Variants in AGBL4 observed in about 807,000 individuals in gnomAD.
AGBL4 encodes the protein AGBL carboxypeptidase 4.
AGBL4 carries 58 observed loss-of-function variants against 66.4 expected under a neutral mutation model. That is an observed-to-expected ratio of 0.87 (90% CI 0.71 to 1.09). The LOEUF is 1.09. Ranked by LOEUF, AGBL4 falls within the 50% of genes least tolerant of loss-of-function variation. The probability of loss-of-function intolerance (pLI) is 0.00; values close to 1 mark genes in which losing one functional copy is unlikely to be tolerated. For missense variants in AGBL4, 579 were observed against 631.0 expected (o/e 0.92, Z 0.88); for synonymous variants, 234 against 222.9 (o/e 1.05, Z -0.44).
Position 48,759,407 on chromosome 1 carries a change from C to G in AGBL4, c.635-96166G>C, listed in dbSNP as rs371832189. On this transcript the variant is annotated intron_variant, in intron 6 of 13. Coordinates refer to ENST00000371839, the MANE Select transcript of AGBL4 (RefSeq NM_032785.4). ...CACAGAACATCAGTGCTTGGAGAAA[C>G]CTGTGCAAACACTTAGTCAAAGCCC... The G allele has an allele frequency of 2.8e-6, 4 of 1,409,796 alleles. No individual in the cohort carries two copies. In the East Asian group the frequency reaches 1.0e-4, roughly 36 times the overall value. The allele number at this position is 1,409,796 out of a possible 1,614,324, so 87.3% of individuals were successfully genotyped here.
chr1:49,818,811 G>A (rs1645295364), intron 2 of AGBL4, among the ~76,000 whole-genome samples: 1 of 152,132 alleles, frequency 6.6e-6, no homozygotes, highest in African/African-American at 2.4e-5. Context: ...CGTGGAGCTT[G>A]TAACACTCCT....
chr1:49,865,505 T>C (rs917646897), intron 1 of AGBL4, among the ~76,000 whole-genome samples: 4 of 152,052 alleles, frequency 2.6e-5, no homozygotes, highest in Admixed American at 2.6e-4. Context: ...ACAGCAGCCC[T>C]ATGGGAGAGG....
intron 5 of AGBL4, among the ~76,000 whole-genome samples, chr1:48,910,837 C>T (rs1295757048): frequency 6.6e-6 from 1 of 152,128 alleles, no homozygotes; most frequent in African/African-American, 2.4e-5. Flanking sequence ...TATTTATAAT[C>T]CTTCCAATCT....
At chr1:49,073,966 G>C (rs1246910599) in intron 4 of AGBL4, among the ~76,000 whole-genome samples, 1 of 152,194 alleles carries the variant, frequency 6.6e-6, no homozygotes, top group East Asian at 1.9e-4. Flanking sequence ...GTGGAATCTA[G>C]AGAGGCACCT....
intron 3 of AGBL4, among the ~76,000 whole-genome samples, chr1:49,574,018 G>T (rs1331715603): frequency 2.0e-5 from 3 of 152,144 alleles, no homozygotes; most frequent in Non-Finnish European, 2.9e-5. Flanking sequence ...CTCCCCTGAG[G>T]CAGTTGCTAA....
At chr1:48,695,565 C>T (rs1646701555) in intron 6 of AGBL4, among the ~76,000 whole-genome samples, 1 of 152,162 alleles carries the variant, frequency 6.6e-6, no homozygotes, top group South Asian at 2.1e-4. Flanking sequence ...CACCCCCTCC[C>T]CTTTAACCAG....
chr1:48,750,914 A>T (rs1353435030), intron 6 of AGBL4, among the ~76,000 whole-genome samples: 1 of 152,010 alleles, frequency 6.6e-6, no homozygotes, highest in Non-Finnish European at 1.5e-5. Context: ...CACTCAGAGT[A>T]CCCCCTGGAG....
chr1:49,501,122 T>C (rs1275425794), intron 3 of AGBL4, among the ~76,000 whole-genome samples: 2 of 152,090 alleles, frequency 1.3e-5, no homozygotes, highest in African/African-American at 4.8e-5. Context: ...GTATTTTTTG[T>C]TTTTGTTTTT....
intron 4 of AGBL4, among the ~76,000 whole-genome samples, chr1:49,114,162 T>C (rs999556405): frequency 2.6e-5 from 4 of 152,238 alleles, no homozygotes; most frequent in African/African-American, 9.6e-5. Flanking sequence ...AAATGTGTTA[T>C]TTAGTGAGCC....
intron 6 of AGBL4, chr1:48,818,284 T>A: frequency 1.4e-6 from 1 of 716,992 alleles, no homozygotes; most frequent in Non-Finnish European, 2.6e-6. Flanking sequence ...CCGTGGCATC[T>A]ACTTCACCGA....
chr1:49,707,170 T>C (rs1054921490), intron 2 of AGBL4, among the ~76,000 whole-genome samples: 17 of 152,146 alleles, frequency 1.1e-4, no homozygotes, highest in African/African-American at 3.9e-4. Context: ...TATTACTGTG[T>C]GGGAGTCTGT....
chr1:49,193,350 C>A (rs1416654932), intron 4 of AGBL4, among the ~76,000 whole-genome samples: 1 of 151,784 alleles, frequency 6.6e-6, no homozygotes, highest in East Asian at 1.9e-4. Context: ...AAACTTCCAT[C>A]TTATCACCAC....
intron 4 of AGBL4, among the ~76,000 whole-genome samples, chr1:49,237,421 C>T (rs1465879677): frequency 6.6e-6 from 1 of 151,010 alleles, no homozygotes; most frequent in Non-Finnish European, 1.5e-5. Context: ...TCCACTAAAC[C>T]TCTTCTTCTT....
chr1:49,316,812 C>T (rs1645047127), intron 3 of AGBL4, among the ~76,000 whole-genome samples: 1 of 151,608 alleles, frequency 6.6e-6, no homozygotes, highest in East Asian at 1.9e-4. Context: ...TACAAAAATG[C>T]TTATATCACT....
chr1:49,758,220 G>A (rs1652040389), intron 2 of AGBL4, among the ~76,000 whole-genome samples: 1 of 152,170 alleles, frequency 6.6e-6, no homozygotes, highest in Admixed American at 6.5e-5. Flanking sequence ...CTCTTCCTAG[G>A]TTTCAGAGGA....
chr1:49,830,856 A>C (rs1645652841), intron 2 of AGBL4, among the ~76,000 whole-genome samples: 1 of 152,186 alleles, frequency 6.6e-6, no homozygotes, highest in Non-Finnish European at 1.5e-5. Flanking sequence ...ACCATTTATT[A>C]AATAGGGAAT....
intron 3 of AGBL4, among the ~76,000 whole-genome samples, chr1:49,385,979 A>G (rs540857706): frequency 3.3e-5 from 5 of 152,170 alleles, no homozygotes; most frequent in Admixed American, 1.3e-4. Context: ...AAATCTGTCA[A>G]AACTATAGTA....
intron 3 of AGBL4, among the ~76,000 whole-genome samples, chr1:49,598,699 T>G (rs1644897698): frequency 6.6e-6 from 1 of 152,074 alleles, no homozygotes; most frequent in South Asian, 2.1e-4. Context: ...AGTCTGCCCA[T>G]TCTCAGATCT....
At chr1:50,013,064 T>C (rs1661672521) in intron 1 of AGBL4, among the ~76,000 whole-genome samples, 1 of 152,204 alleles carries the variant, frequency 6.6e-6, no homozygotes, top group African/African-American at 2.4e-5. Flanking sequence ...CAGTTGTCTA[T>C]TAAGTTCCTT....
Sources: gnomAD v4.1 joint callset for allele counts (sites outside exome capture counted in the v4.1 genomes callset) on GRCh38, gnomAD v4.1.1 for gene constraint, MANE v1.5 for transcripts, NCBI Gene and HGNC (gene_info 2026-07-23, HGNC 2026-07-21) for gene names.